The following ARHGAP6 variants were observed in gnomAD, a reference collection of about 807,000 sequenced individuals.
ARHGAP6 encodes the protein Rho GTPase activating protein 6.
ARHGAP6 carries 16 observed loss-of-function variants against 55.7 expected under a neutral mutation model. The observed-to-expected ratio is 0.29, with a 90% CI of 0.19 to 0.44. The LOEUF (loss-of-function observed/expected upper bound fraction) is 0.44. Among genes scored for constraint, ARHGAP6 ranks in the 20% least tolerant of loss-of-function variants. The probability of loss-of-function intolerance (pLI) is 1.00; values close to 1 mark genes in which losing one functional copy is unlikely to be tolerated. For missense variants in ARHGAP6, 698 were observed against 808.9 expected, an observed-to-expected ratio of 0.86 and a Z score of 1.66; for synonymous variants, 382 against 360.9, an observed-to-expected ratio of 1.06 and a Z score of -0.66.
At chrX:11,344,441 G>A (rs1290152690) in intron 1 of ARHGAP6, among the ~76,000 whole-genome samples, 1 of 109,896 alleles carries the variant, frequency 9.1e-6, no homozygotes, top group African/African-American at 3.3e-5. Context: ...GGGAGGCCGA[G>A]GTGGGTAGAT....
At chrX:11,350,265 T>C (rs1381222101) in intron 1 of ARHGAP6, among the ~76,000 whole-genome samples, 3 of 112,183 alleles carry the variant, frequency 2.7e-5, no homozygotes, top group African/African-American at 9.7e-5. Flanking sequence ...AACAAGATCT[T>C]TTAAAGAGAA....
At chrX:11,300,527 A>T in intron 1 of ARHGAP6, 1 of 849,646 alleles carries the variant, frequency 1.2e-6, no homozygotes, top group Non-Finnish European at 1.7e-6. Context: ...ACAAAACTGA[A>T]GCCAGACATG....
chrX:11,371,672 T>C (rs2049145382), intron 1 of ARHGAP6, among the ~76,000 whole-genome samples: 1 of 112,570 alleles, frequency 8.9e-6, no homozygotes, highest in South Asian at 3.6e-4. Context: ...TCAAATATTA[T>C]TTATGAGAAA....
intron 9 of ARHGAP6, among the ~76,000 whole-genome samples, chrX:11,158,927 A>G (rs2045902587): frequency 8.9e-6 from 1 of 112,560 alleles, no homozygotes; most frequent in Admixed American, 9.4e-5. Context: ...AACATACAAG[A>G]AAAACATAGA....
intron 2 of ARHGAP6, among the ~76,000 whole-genome samples, chrX:11,221,799 C>CTTTTGTTA (rs1215473156): frequency 9.0e-6 from 1 of 111,085 alleles, no homozygotes; most frequent in Non-Finnish European, 1.9e-5. Flanking sequence ...TATACAGATA[C>CTTTTGTTA]TTTTGTTATT....
intron 3 of ARHGAP6, among the ~76,000 whole-genome samples, 190 bp downstream of exon 3, chrX:11,196,735 A>G (rs2046546493): frequency 8.9e-6 from 1 of 112,036 alleles, no homozygotes; most frequent in African/African-American, 3.2e-5. Context: ...AGCTGAATTC[A>G]TCAGTTCAGT....
chrX:11,350,279 A>G (rs990745470), intron 1 of ARHGAP6, among the ~76,000 whole-genome samples: 1 of 112,311 alleles, frequency 8.9e-6, no homozygotes, highest in African/African-American at 3.2e-5. Flanking sequence ...AAGAGAACCT[A>G]GACTTAGCTA....
At chrX:11,178,431 C>A (rs2046265113) in intron 7 of ARHGAP6, among the ~76,000 whole-genome samples, 183 bp from the exon 8 acceptor site, 1 of 109,533 alleles carries the variant, frequency 9.1e-6, no homozygotes, top group Non-Finnish European at 1.9e-5. Context: ...AGATATAAAG[C>A]CAAATTAGAC....
At chrX:11,477,729 G>A (rs959436520) in intron 1 of ARHGAP6, among the ~76,000 whole-genome samples, 4 of 111,913 alleles carry the variant, frequency 3.6e-5, no homozygotes, top group Admixed American at 9.5e-5. Flanking sequence ...AATATGTTGA[G>A]ATAAAGAAGC....
intron 1 of ARHGAP6, among the ~76,000 whole-genome samples, chrX:11,434,173 CAAAG>C (rs1269969150): frequency 8.9e-6 from 1 of 112,244 alleles, no homozygotes; most frequent in Non-Finnish European, 1.9e-5. Context: ...GCCTTCACAA[CAAAG>C]AAAGTTCTGG....
chrX:11,545,695 C>T (rs1048539470), intron 1 of ARHGAP6, among the ~76,000 whole-genome samples: 2 of 111,494 alleles, frequency 1.8e-5, no homozygotes, highest in South Asian at 7.4e-4. Context: ...AGGGAGCTGC[C>T]CCAAAGACTG....
intron 1 of ARHGAP6, among the ~76,000 whole-genome samples, chrX:11,310,157 T>C (rs2048281209): frequency 5.2e-5 from 1 of 19,294 alleles, no homozygotes; most frequent in South Asian, 6.2e-3. Context: ...TGAGACTCTA[T>C]CTCAAAAAAA....
chrX:11,461,922 A>C (rs1011149082), intron 1 of ARHGAP6, among the ~76,000 whole-genome samples: 1 of 111,935 alleles, frequency 8.9e-6, no homozygotes, highest in African/African-American at 3.2e-5. Context: ...CACCCTGCAG[A>C]CTGCCTGAAG....
intron 1 of ARHGAP6, among the ~76,000 whole-genome samples, chrX:11,327,593 C>T (rs1355874603): frequency 4.5e-5 from 5 of 111,226 alleles, no homozygotes; most frequent in Non-Finnish European, 9.4e-5. Context: ...CATTTGAATA[C>T]CAGCAATAAG....
rs1354002071 is a variant in ARHGAP6, at chrX:11,608,039, C to A, written c.588+56202G>T. ...ATTATTTAAGAATGTTTTGTCCTTA[C>A]TGGACAAAAATAGATAAAGCCTGGT... On this transcript the variant is annotated intron_variant, in intron 1 of 12. Transcript: ENST00000337414. 2.7e-5 allele frequency among the ~76,000 whole-genome samples: 3 copies of A among 112,151 alleles called. No homozygotes were observed. In the South Asian group the frequency reaches 1.1e-3, roughly 41 times the overall value.
intron 1 of ARHGAP6, among the ~76,000 whole-genome samples, chrX:11,357,852 G>A (rs914121589): frequency 2.7e-5 from 3 of 111,967 alleles, no homozygotes; most frequent in African/African-American, 6.5e-5. Flanking sequence ...GCTTTTTCTC[G>A]AACTTGAGTC....
intron 1 of ARHGAP6, among the ~76,000 whole-genome samples, chrX:11,607,586 A>T (rs2052050204): frequency 8.9e-6 from 1 of 112,434 alleles, no homozygotes; most frequent in Non-Finnish European, 1.9e-5. Flanking sequence ...AATTATAGAC[A>T]AAGTAACTGA....
chrX:11,257,176 C>T (rs1387375473), intron 1 of ARHGAP6, among the ~76,000 whole-genome samples: 1 of 111,269 alleles, frequency 9.0e-6, no homozygotes, highest in Non-Finnish European at 1.9e-5. Context: ...TAGAAAGTCC[C>T]CAGATGAGTT....
chrX:11,289,270 G>A (rs2047957796), intron 1 of ARHGAP6, among the ~76,000 whole-genome samples: 1 of 110,504 alleles, frequency 9.0e-6, no homozygotes, highest in South Asian at 3.9e-4. Context: ...TTCCCCCTAA[G>A]AATGAACATT....
Sources: allele counts gnomAD v4.1 joint callset (sites outside exome capture counted in the v4.1 genomes callset), GRCh38; gene constraint gnomAD v4.1.1; transcripts MANE v1.5; gene names NCBI Gene and HGNC (gene_info 2026-07-23, HGNC 2026-07-21).